PRKD1: variants seen among roughly 807,000 people sequenced by gnomAD.
The protein encoded by PRKD1 is protein kinase D1.
A neutral mutation model predicts 95.9 loss-of-function variants in PRKD1; 63 were observed. The observed-to-expected ratio is 0.66, with a 90% CI of 0.54 to 0.81. The LOEUF is 0.81. PRKD1 is among the 30% of genes least tolerant of loss of function. PRKD1 has a pLI of 0.00. For synonymous variants in PRKD1, 425 were observed against 423.1 expected, an observed-to-expected ratio of 1.00 and a Z score of -0.05; for missense variants, 1,048 against 1,165.3, an observed-to-expected ratio of 0.90 and a Z score of 1.47.
intron 16 of PRKD1, among the ~76,000 whole-genome samples, chr14:29,586,704 T>C (rs1364914981): frequency 6.6e-6 from 1 of 152,134 alleles, no homozygotes; most frequent in Non-Finnish European, 1.5e-5. Context: ...TGCAATGGCG[T>C]GATCTTGGCT....
At chr14:29,618,833 C>T (rs1199717009) in intron 13 of PRKD1, among the ~76,000 whole-genome samples, 1 of 150,518 alleles carries the variant, frequency 6.6e-6, no homozygotes, top group Non-Finnish European at 1.5e-5. Flanking sequence ...ATTTACACAA[C>T]TTTGAAGTCT....
intron 1 of PRKD1, among the ~76,000 whole-genome samples, chr14:29,911,308 A>T (rs1894704633): frequency 6.6e-6 from 1 of 152,216 alleles, no homozygotes; most frequent in South Asian, 2.1e-4. Flanking sequence ...TTCTTCAAAG[A>T]TTGTTGAATG....
At chr14:29,806,350 T>G (rs45536637) in intron 1 of PRKD1, among the ~76,000 whole-genome samples, 2 of 152,090 alleles carry the variant, frequency 1.3e-5, no homozygotes, top group African/African-American at 2.4e-5. Flanking sequence ...GATTGGGCAA[T>G]AGGCTTGGGA....
At chr14:29,926,448 C>T (rs1439312786) in intron 1 of PRKD1, among the ~76,000 whole-genome samples, 1 of 152,144 alleles carries the variant, frequency 6.6e-6, no homozygotes, top group Non-Finnish European at 1.5e-5. Flanking sequence ...CTACTGTAAA[C>T]AGTGGTGGGT....
At chr14:29,914,239 A>G (rs1894816042) in intron 1 of PRKD1, among the ~76,000 whole-genome samples, 1 of 152,244 alleles carries the variant, frequency 6.6e-6, no homozygotes, top group South Asian at 2.1e-4. Context: ...ACAATGTGAA[A>G]GGATGCAAGG....
intron 1 of PRKD1, among the ~76,000 whole-genome samples, chr14:29,728,631 T>C (rs1004134443): frequency 6.6e-6 from 1 of 152,208 alleles, no homozygotes; most frequent in African/African-American, 2.4e-5. Context: ...TACTTATTAG[T>C]ATTTCATTAA....
intron 15 of PRKD1, 111 bp downstream of exon 15, chr14:29,598,916 C>T: frequency 1.1e-6 from 1 of 925,490 alleles, no homozygotes. Flanking sequence ...GGATAGAAAA[C>T]ACTTGAAACA....
Position 29,889,594 on chromosome 14 carries a change from A to G in PRKD1, c.264+37655T>C, listed in dbSNP as rs543674992. On this transcript the variant is annotated intron_variant, in intron 1 of 17. Coordinates refer to ENST00000331968, the MANE Select transcript of PRKD1 (RefSeq NM_002742.3). ...ATGAGTTCATGTCCTTTGCAGGCAC[A>G]TGGATGAAGCTGGAAACCATCATTC... is the stretch of plus-strand genomic sequence containing the variant. 9.5e-3 allele frequency among the ~76,000 whole-genome samples: 1,441 copies of G among 152,322 alleles called. 6 individuals are homozygous for G. Among genetic ancestry groups the G allele is most frequent in the Non-Finnish European group, 0.014 (983 of 68,030 alleles).
intron 4 of PRKD1, chr14:29,656,378 TA>T (rs2139191547): frequency 1.6e-6 from 2 of 1,272,332 alleles, no homozygotes; most frequent in Admixed American, 2.0e-5. Flanking sequence ...ATTATTCTCA[TA>T]AAGTCAGTAC....
intron 1 of PRKD1, among the ~76,000 whole-genome samples, chr14:29,866,786 T>C (rs1467269738): frequency 6.6e-6 from 1 of 152,214 alleles, no homozygotes; most frequent in Non-Finnish European, 1.5e-5. Flanking sequence ...GGTTACTAAA[T>C]GGCATCATTG....
chr14:29,881,083 G>A (rs761396820), intron 1 of PRKD1, among the ~76,000 whole-genome samples: 1 of 152,144 alleles, frequency 6.6e-6, no homozygotes, highest in Non-Finnish European at 1.5e-5. Flanking sequence ...GATTGGTTTT[G>A]AAATGTGAGG....
chr14:29,584,950 A>T (rs886412043), intron 16 of PRKD1, among the ~76,000 whole-genome samples: 11 of 152,144 alleles, frequency 7.2e-5, no homozygotes, highest in Non-Finnish European at 1.5e-4. Context: ...TCTCCACCCC[A>T]AATTATTCAG....
At chr14:29,736,386 T>C (rs926063413) in intron 1 of PRKD1, among the ~76,000 whole-genome samples, 7 of 152,142 alleles carry the variant, frequency 4.6e-5, no homozygotes, top group African/African-American at 1.4e-4. Context: ...ACTGAAACAA[T>C]GCCTGACAAC....
intron 13 of PRKD1, among the ~76,000 whole-genome samples, chr14:29,604,847 A>G (rs1204332000): frequency 1.3e-5 from 2 of 152,142 alleles, no homozygotes; most frequent in East Asian, 3.9e-4. Flanking sequence ...AAATTCCACA[A>G]TCTTATATTC....
intron 1 of PRKD1, among the ~76,000 whole-genome samples, chr14:29,864,715 T>A (rs1038774491): frequency 2.0e-5 from 3 of 152,032 alleles, no homozygotes; most frequent in Admixed American, 6.6e-5. Context: ...TGAAGATGAC[T>A]TTGTAAAGAA....
chr14:29,598,222 G>A (rs1024533668), intron 15 of PRKD1, among the ~76,000 whole-genome samples: 2 of 151,416 alleles, frequency 1.3e-5, no homozygotes, highest in Non-Finnish European at 2.9e-5. Flanking sequence ...GTTGCAGTGA[G>A]CTGAGACTGC....
intron 13 of PRKD1, among the ~76,000 whole-genome samples, chr14:29,618,206 A>C (rs1317401301): frequency 6.6e-6 from 1 of 152,134 alleles, no homozygotes; most frequent in African/African-American, 2.4e-5. Flanking sequence ...ATTCAAAAAC[A>C]ATATACATGG....
At chr14:29,897,600 T>C (rs1368345868) in intron 1 of PRKD1, among the ~76,000 whole-genome samples, 1 of 152,028 alleles carries the variant, frequency 6.6e-6, no homozygotes, top group African/African-American at 2.4e-5. Flanking sequence ...ATGAGAAAAA[T>C]TCCAAACTCA....
chr14:29,876,566 C>G (rs1364401044), intron 1 of PRKD1, among the ~76,000 whole-genome samples: 1 of 151,174 alleles, frequency 6.6e-6, no homozygotes, highest in African/African-American at 2.4e-5. Context: ...AGAACTTCAT[C>G]AAAATTTAAA....
Sources: allele counts gnomAD v4.1 joint callset (sites outside exome capture counted in the v4.1 genomes callset), GRCh38; gene constraint gnomAD v4.1.1; transcripts MANE v1.5; gene names NCBI Gene and HGNC (gene_info 2026-07-23, HGNC 2026-07-21).